CRTAC1: variants seen among roughly 807,000 people sequenced by gnomAD.
CRTAC1 encodes acidic secreted protein in cartilage.
Under a neutral mutation model 67.8 loss-of-function variants are expected in CRTAC1, and 37 were observed. The ratio of observed to expected loss-of-function variants is 0.55; its 90% CI spans 0.42 to 0.72. CRTAC1 has a LOEUF of 0.72. Ranked by LOEUF, CRTAC1 falls within the 30% of genes least tolerant of loss-of-function variation. The pLI is 0.00. For missense variants in CRTAC1, 780 were observed against 931.6 expected, an observed-to-expected ratio of 0.84 and a Z score of 2.12; for synonymous variants, 348 against 371.0, an observed-to-expected ratio of 0.94 and a Z score of 0.71.
At chr10:98,019,674 C>A (rs1054358237) in intron 1 of CRTAC1, among the ~76,000 whole-genome samples, 11 of 152,220 alleles carry the variant, frequency 7.2e-5, no homozygotes, top group African/African-American at 2.4e-4. Flanking sequence ...CCTCCCTGGA[C>A]CTGCCTCCCT....
At chr10:97,890,754 G>A (rs908670474) in intron 11 of CRTAC1, among the ~76,000 whole-genome samples, 2 of 149,680 alleles carry the variant, frequency 1.3e-5, no homozygotes, top group African/African-American at 4.9e-5. Flanking sequence ...CGTAACCTCT[G>A]CCTCCTGGGT....
At chr10:98,028,798 A>G (rs1026765843) in intron 1 of CRTAC1, among the ~76,000 whole-genome samples, 1 of 152,158 alleles carries the variant, frequency 6.6e-6, no homozygotes, top group African/African-American at 2.4e-5. Flanking sequence ...TAGCACCCAT[A>G]AAATATCTCC....
At chr10:97,969,265 C>T (rs1041666171) in intron 2 of CRTAC1, among the ~76,000 whole-genome samples, 2 of 152,148 alleles carry the variant, frequency 1.3e-5, no homozygotes, top group Non-Finnish European at 2.9e-5. Flanking sequence ...TCTAGAATTC[C>T]TGGGGTCAGG....
rs1843324394 is a variant in CRTAC1 at position 98,029,749 on chromosome 10, G to T, written c.24+700C>A. Among the ~76,000 whole-genome samples, 2 of 152,204 alleles carry T rather than the reference G, an allele frequency of 1.3e-5. No homozygotes were observed. The highest frequency in any genetic ancestry group is 1.3e-4 in the Admixed American group (2 of 15,286). ...GCATGCCCCCAAGCCCGGCCTGGCT[G>T]CCCCATCAAAGCCTCCAAGTGCCCC... On this transcript the variant is annotated intron_variant, in intron 1 of 14. Coordinates refer to ENST00000370597, the MANE Select transcript of CRTAC1 (RefSeq NM_018058.7). The surrounding 1 kb of genome is among the most constrained non-coding windows in gnomAD (Gnocchi z 4.7).
intron 2 of CRTAC1, among the ~76,000 whole-genome samples, chr10:97,944,419 T>C (rs1218378954): frequency 6.7e-6 from 1 of 148,260 alleles, no homozygotes. Flanking sequence ...GCAACAAGAG[T>C]GAAACTCCAT....
In CRTAC1 at chr10:97,966,794, C is replaced by T. The variant is rs561587037; in HGVS notation, c.225-30428G>A. Reference sequence around the variant, plus strand: ...GGTCAGGTATTTTTGCAGAATGTCCCTCAGTGGGATTTGTCTGATGTTTTT... The same window carrying T: ...GGTCAGGTATTTTTGCAGAATGTCCTTCAGTGGGATTTGTCTGATGTTTTT... On this transcript the variant is annotated intron_variant, in intron 2 of 14. Transcript: ENST00000370597. Among the ~76,000 whole-genome samples, 7 of 152,278 alleles carry T rather than the reference C, an allele frequency of 4.6e-5. No homozygotes were observed. In the East Asian group the frequency reaches 1.4e-3, roughly 29 times the overall value.
In CRTAC1 at chr10:98,005,488, C is replaced by T. The variant is rs186827145; in HGVS notation, c.224+5650G>A. Among the ~76,000 whole-genome samples the T allele has an allele frequency of 9.9e-5, 15 of 151,762 alleles. No individual in the cohort carries two copies. The East Asian group carries it at 2.9e-3, about 29-fold the overall frequency. On this transcript the variant is annotated intron_variant, in intron 2 of 14. Coordinates refer to ENST00000370597, the MANE Select transcript of CRTAC1 (RefSeq NM_018058.7). ...TTAAGATAATATCAAAACTGATTAT[C>T]AAATCTATTAAAATGTTACACACCA... is the stretch of plus-strand genomic sequence containing the variant.
At position 98,030,553 on chromosome 10, in the gene CRTAC1, C is replaced by T; in HGVS notation, c.-81G>A. The T allele has an allele frequency of 4.9e-6, 5 of 1,023,532 alleles. No individual in the cohort carries two copies. The highest frequency in any genetic ancestry group is 6.3e-6 in the Non-Finnish European group (5 of 792,146). 63.4% of individuals were successfully genotyped at this position (1,023,532 alleles called of 1,614,324 possible). A position where few individuals can be genotyped will look rare whatever the true frequency, so the allele number is the denominator to read the frequency against. On this transcript the variant is annotated 5_prime_UTR_variant, in exon 1 of 15. Coordinates refer to ENST00000370597, the MANE Select transcript of CRTAC1 (RefSeq NM_018058.7). This position sits in a 1 kb window ranked among gnomAD's most constrained non-coding sequence, Gnocchi z 4.2. ...CCTCTGCCGCCGGCGCCGCCGCCTG[C>T]TTGCTCCCAGCCCCGGTCCCGGGCT...
At chr10:97,955,053 A>G (rs1034250438) in intron 2 of CRTAC1, among the ~76,000 whole-genome samples, 1 of 152,162 alleles carries the variant, frequency 6.6e-6, no homozygotes, top group Non-Finnish European at 1.5e-5. Flanking sequence ...CAGTTAGGAT[A>G]ATAATAATAA....
At chr10:97,956,427 A>G (rs147535881) in intron 2 of CRTAC1, among the ~76,000 whole-genome samples, 559 of 152,294 alleles carry the variant, frequency 3.7e-3, no homozygotes, top group Middle Eastern at 0.024. Context: ...CTGTGCTGTC[A>G]ATCCGGCACA....
chr10:97,984,235 T>C (rs182880080), intron 2 of CRTAC1, among the ~76,000 whole-genome samples: 42 of 152,320 alleles, frequency 2.8e-4, no homozygotes, highest in Admixed American at 9.2e-4. Context: ...GAAACGTGTC[T>C]CCAGCATGGA....
At chr10:97,952,046 G>A (rs2051363599) in intron 2 of CRTAC1, among the ~76,000 whole-genome samples, 1 of 152,142 alleles carries the variant, frequency 6.6e-6, no homozygotes, top group South Asian at 2.1e-4. Flanking sequence ...AACATCCACA[G>A]ACCTTGTTAA....
At chr10:98,004,439 T>C (rs1176371978) in intron 2 of CRTAC1, among the ~76,000 whole-genome samples, 1 of 152,228 alleles carries the variant, frequency 6.6e-6, no homozygotes, top group African/African-American at 2.4e-5. Context: ...GCTGTTGAGC[T>C]GAATAATCCA....
chr10:97,947,190 T>C (rs901874862), intron 2 of CRTAC1, among the ~76,000 whole-genome samples: 2 of 152,214 alleles, frequency 1.3e-5, no homozygotes, highest in Non-Finnish European at 2.9e-5. Context: ...TTGACTTCAT[T>C]CCACCCTTCT....
At chr10:97,866,003 T>G (rs2050019042) in intron 14 of CRTAC1, 1 of 393,320 alleles carries the variant, frequency 2.5e-6, no homozygotes, top group Non-Finnish European at 4.5e-6. Context: ...GAACACAACC[T>G]AGGCGGCCCC....
chr10:97,967,657 T>C (rs547216205), intron 2 of CRTAC1, among the ~76,000 whole-genome samples: 20 of 152,302 alleles, frequency 1.3e-4, no homozygotes, highest in East Asian at 9.6e-4. Context: ...CATTACCACA[T>C]GAATCATCCT....
At chr10:98,009,106 G>A (rs1298109992) in intron 2 of CRTAC1, among the ~76,000 whole-genome samples, 19 of 152,182 alleles carry the variant, frequency 1.2e-4, no homozygotes, top group Admixed American at 1.2e-3. Context: ...CAGGTAAAAA[G>A]CGTCATTACA....
At chr10:97,908,714 C>A (rs924901175) in intron 5 of CRTAC1, among the ~76,000 whole-genome samples, 4 of 152,210 alleles carry the variant, frequency 2.6e-5, no homozygotes, top group Non-Finnish European at 4.4e-5. Flanking sequence ...ATATGACAAA[C>A]CATTCTGCAG....
intron 14 of CRTAC1, chr10:97,878,443 G>A (rs1251767309): frequency 1.5e-5 from 5 of 341,094 alleles, no homozygotes; most frequent in Non-Finnish European, 2.4e-5. Context: ...TCAGAAAATG[G>A]CAGGGGCTTT....
Sources: allele counts gnomAD v4.1 joint callset (sites outside exome capture counted in the v4.1 genomes callset), GRCh38; gene constraint gnomAD v4.1.1; non-coding constraint Gnocchi (gnomAD v3.1); transcripts MANE v1.5; gene names NCBI Gene and HGNC (gene_info 2026-07-23, HGNC 2026-07-21).